The following NRXN1 variants were observed in gnomAD, a reference collection of about 807,000 sequenced individuals.
The protein encoded by NRXN1 is neurexin-1.
NRXN1 carries 39 observed loss-of-function variants against 150.9 expected under a neutral mutation model. The observed-to-expected ratio is 0.26, with a 90% confidence interval of 0.20 to 0.34. The LOEUF (loss-of-function observed/expected upper bound fraction) is 0.34. Among genes scored for constraint, NRXN1 ranks in the 10% least tolerant of loss-of-function variants. The pLI is 1.00. For synonymous variants in NRXN1, 924 were observed against 757.0 expected, an observed-to-expected ratio of 1.22 and a Z score of -3.62; for missense variants, 1,815 against 1,949.9, an observed-to-expected ratio of 0.93 and a Z score of 1.30.
At chr2:50,206,145 A>G (rs935588259) in intron 18 of NRXN1, among the ~76,000 whole-genome samples, 2 of 152,050 alleles carry the variant, frequency 1.3e-5, no homozygotes, top group African/African-American at 4.8e-5. Flanking sequence ...ATTTATTTGC[A>G]AAATTTTCAA....
intron 2 of NRXN1, among the ~76,000 whole-genome samples, chr2:50,987,737 G>C (rs1425203873): frequency 1.3e-5 from 2 of 151,884 alleles, no homozygotes; most frequent in Non-Finnish European, 2.9e-5. Flanking sequence ...GAAAGAGCTT[G>C]TCCATGAATC....
At chr2:50,550,782 T>C (rs1051375033) in intron 9 of NRXN1, among the ~76,000 whole-genome samples, 56 of 151,794 alleles carry the variant, frequency 3.7e-4, no homozygotes, top group Admixed American at 1.1e-3. Flanking sequence ...CCCAGCTTCA[T>C]GCCATTCTCC....
At chr2:50,184,317 C>T (rs941454574) in intron 18 of NRXN1, among the ~76,000 whole-genome samples, 4 of 151,874 alleles carry the variant, frequency 2.6e-5, no homozygotes, top group African/African-American at 7.2e-5. Context: ...TTTTCAGGGC[C>T]GAAATAAGGA....
intron 2 of NRXN1, among the ~76,000 whole-genome samples, chr2:50,942,654 G>A (rs537902199): frequency 7.2e-5 from 11 of 152,080 alleles, no homozygotes; most frequent in Non-Finnish European, 1.6e-4. Flanking sequence ...CCCTTTGTTT[G>A]GGCCAATTCC....
chr2:50,253,434 A>T (rs1188754611), intron 17 of NRXN1, among the ~76,000 whole-genome samples: 1 of 152,136 alleles, frequency 6.6e-6, no homozygotes, highest in Admixed American at 6.6e-5. Context: ...ACTGACCAGA[A>T]ATTCCAATAC....
intron 2 of NRXN1, among the ~76,000 whole-genome samples, chr2:50,942,128 A>G (rs1689547875): frequency 6.6e-6 from 1 of 152,224 alleles, no homozygotes; most frequent in Non-Finnish European, 1.5e-5. Flanking sequence ...GCAAGCCCCA[A>G]GCCTTGGCAG....
At chr2:50,579,704 G>T (rs1313570784) in intron 8 of NRXN1, among the ~76,000 whole-genome samples, 1 of 151,994 alleles carries the variant, frequency 6.6e-6, no homozygotes, top group Non-Finnish European at 1.5e-5. Context: ...AAGTGAGTTG[G>T]GAGTTCACTG....
intron 17 of NRXN1, among the ~76,000 whole-genome samples, chr2:50,305,519 T>C (rs980449479): frequency 1.3e-5 from 2 of 152,194 alleles, no homozygotes; most frequent in Admixed American, 6.5e-5. Context: ...AAATTTAAGA[T>C]TTAAGTCACA....
chr2:50,990,973 A>T (rs1219835921), intron 2 of NRXN1, among the ~76,000 whole-genome samples: 1 of 152,046 alleles, frequency 6.6e-6, no homozygotes, highest in African/African-American at 2.4e-5. Context: ...TGGATCTGAC[A>T]TTATTCATTT....
chr2:50,221,607 A>C (rs1246716837), intron 18 of NRXN1, among the ~76,000 whole-genome samples: 1 of 152,020 alleles, frequency 6.6e-6, no homozygotes, highest in African/African-American at 2.4e-5. Flanking sequence ...AAAGTTCTTT[A>C]ATTTTTAAAT....
Position 51,028,189 on chromosome 2 carries a change from T to A in NRXN1, c.85A>T (p.Ser29Cys). ...TCGGCGCCCGGAAACTCCAGCCCGC[T>A]GCCCAGCTCCGCCCAGCAGCCCAGG... ...LLLGCWAELG[S>C]GLEFPGAEGQ... Residue 29 changes from serine to cysteine, a missense_variant, in exon 2 of 23, where the codon AGC becomes TGC. Ser to Cys is a moderately radical substitution (Grantham distance 112). Coordinates refer to ENST00000401669, the MANE Select transcript of NRXN1 (RefSeq NM_001330078.2). The A allele has an allele frequency of 6.7e-7, 1 of 1,503,306 alleles. No homozygotes were observed. Among genetic ancestry groups the A allele is most frequent in the Non-Finnish European group, 8.8e-7 (1 of 1,131,324 alleles). 93.1% of individuals were successfully genotyped at this position (1,503,306 alleles called of 1,614,324 possible). A position where few individuals can be genotyped will look rare whatever the true frequency, so the allele number is the denominator to read the frequency against.
At chr2:50,364,071 C>T (rs1480992063) in intron 17 of NRXN1, among the ~76,000 whole-genome samples, 2 of 152,068 alleles carry the variant, frequency 1.3e-5, no homozygotes, top group Non-Finnish European at 1.5e-5. Flanking sequence ...AGGGGAACAT[C>T]ACCCACTGGG....
At chr2:50,229,112 C>A (rs1431152458) in intron 18 of NRXN1, among the ~76,000 whole-genome samples, 1 of 151,960 alleles carries the variant, frequency 6.6e-6, no homozygotes. Context: ...AACTTGAGTA[C>A]CCCCTATCTA....
chr2:50,695,147 T>A (rs1326141746), intron 5 of NRXN1, among the ~76,000 whole-genome samples: 1 of 149,210 alleles, frequency 6.7e-6, no homozygotes, highest in African/African-American at 2.5e-5. Context: ...GGAGACTATT[T>A]ACCAACATAT....
intron 19 of NRXN1, among the ~76,000 whole-genome samples, chr2:50,087,740 G>C (rs1039620563): frequency 2.6e-5 from 4 of 152,206 alleles, no homozygotes; most frequent in African/African-American, 9.6e-5. Context: ...AAACTGTTGA[G>C]TTACAGGAAG....
chr2:50,421,997 T>C (rs1479582291), intron 17 of NRXN1, among the ~76,000 whole-genome samples: 1 of 152,188 alleles, frequency 6.6e-6, no homozygotes, highest in African/African-American at 2.4e-5. Flanking sequence ...TTCCTTCATA[T>C]ACGCTTTCAG....
At chr2:50,166,279 A>ATGTGTGTGTGTGTGTGTGTGTGTGTG (rs70946894) in intron 18 of NRXN1, among the ~76,000 whole-genome samples, 10 of 131,612 alleles carry the variant, frequency 7.6e-5, no homozygotes, top group African/African-American at 8.5e-5. Flanking sequence ...TACTCAACGT[A>ATGTGTGTGTGTGTGTGTGTGTGTGTG]TGTGTGTGTG....
chr2:51,029,482 G>T (rs760972654), intron 1 of NRXN1, among the ~76,000 whole-genome samples: 8 of 152,050 alleles, frequency 5.3e-5, no homozygotes, highest in African/African-American at 1.9e-4. Context: ...TTTTCTTTTC[G>T]CAAGATAGTT....
chr2:50,586,743 A>G (rs771892021), intron 8 of NRXN1, among the ~76,000 whole-genome samples: 12 of 152,220 alleles, frequency 7.9e-5, no homozygotes, highest in Non-Finnish European at 1.6e-4. Flanking sequence ...AAGGGGTTGG[A>G]AAACATAGAA....
Sources: gnomAD v4.1 joint callset for allele counts (sites outside exome capture counted in the v4.1 genomes callset) on GRCh38, gnomAD v4.1.1 for gene constraint, MANE v1.5 for transcripts, NCBI Gene and HGNC (gene_info 2026-07-23, HGNC 2026-07-21) for gene names.